The following SPON1 variants were observed in gnomAD, a reference collection of about 807,000 sequenced individuals.
SPON1 encodes the protein spondin-1.
Under a neutral mutation model 111.7 loss-of-function variants are expected in SPON1, and 52 were observed. The ratio of observed to expected loss-of-function variants is 0.47; its 90% CI spans 0.37 to 0.59. The LOEUF (loss-of-function observed/expected upper bound fraction) is 0.59, where lower values mean the gene tolerates loss of function less well. Among genes scored for constraint, SPON1 ranks in the 20% least tolerant of loss-of-function variants. The pLI is 0.00. For missense variants in SPON1, 957 were observed against 1,068.5 expected (o/e 0.90, Z 1.46); for synonymous variants, 410 against 395.8 (o/e 1.04, Z -0.43).
chr11:14,257,233 G>A (rs1452437378), intron 10 of SPON1, among the ~76,000 whole-genome samples: 1 of 152,210 alleles, frequency 6.6e-6, no homozygotes, highest in East Asian at 1.9e-4. Context: ...GCTTCATACA[G>A]TTGTCAGAAT....
chr11:14,153,403 AG>A (rs1366028563), intron 6 of SPON1, among the ~76,000 whole-genome samples: 1 of 152,196 alleles, frequency 6.6e-6, no homozygotes, highest in Non-Finnish European at 1.5e-5. Context: ...CAGAAGGTGA[AG>A]GGGAAGCCAG....
At position 14,207,855 on chromosome 11, in the gene SPON1, A is replaced by G. The variant is rs111796035; in HGVS notation, c.826-35477A>G. Among the ~76,000 whole-genome samples the G allele has an allele frequency of 5.3e-3, 803 of 152,360 alleles. 6 individuals carry two copies. The highest frequency in any genetic ancestry group is 0.018 in the African/African-American group (760 of 41,590). ...CAGCCCAGCAATCCCATTACTGGGT[A>G]TATACCCAAAAGAATATAAATCATT... On this transcript the variant is annotated intron_variant, in intron 6 of 15. Coordinates refer to ENST00000576479, the MANE Select transcript of SPON1 (RefSeq NM_006108.4).
chr11:14,082,817 C>T (rs1848974094), intron 5 of SPON1, among the ~76,000 whole-genome samples: 1 of 152,222 alleles, frequency 6.6e-6, no homozygotes, highest in South Asian at 2.1e-4. Context: ...TAACCATTCT[C>T]TATCATCATG....
chr11:14,031,849 G>A (rs1307797259), intron 2 of SPON1, among the ~76,000 whole-genome samples: 5 of 152,166 alleles, frequency 3.3e-5, no homozygotes, highest in African/African-American at 1.2e-4. Flanking sequence ...ACTAGTAAGA[G>A]GTGATTCAAT....
At chr11:14,009,414 A>T (rs1362932338) in intron 2 of SPON1, among the ~76,000 whole-genome samples, 1 of 152,254 alleles carries the variant, frequency 6.6e-6, no homozygotes, top group South Asian at 2.1e-4. Context: ...TGTTTAGAAC[A>T]TTCCCCTCTG....
intron 5 of SPON1, among the ~76,000 whole-genome samples, chr11:14,133,585 A>G (rs1194026791): frequency 6.6e-6 from 1 of 152,178 alleles, no homozygotes. Context: ...TAGAACAAGG[A>G]GTATTTTGGT....
intron 2 of SPON1, among the ~76,000 whole-genome samples, chr11:14,028,406 A>G (rs1306986427): frequency 6.6e-6 from 1 of 151,988 alleles, no homozygotes; most frequent in Non-Finnish European, 1.5e-5. Context: ...CCAGGAGTTC[A>G]AGGTTATAGT....
intron 3 of SPON1, among the ~76,000 whole-genome samples, chr11:14,062,896 T>G (rs1848802172): frequency 6.6e-6 from 1 of 152,134 alleles, no homozygotes; most frequent in Non-Finnish European, 1.5e-5. Context: ...ACTGTGAGGG[T>G]CCAGCTCCAG....
chr11:14,157,728 A>G (rs1161211205), intron 6 of SPON1, among the ~76,000 whole-genome samples: 1 of 151,880 alleles, frequency 6.6e-6, no homozygotes, highest in Non-Finnish European at 1.5e-5. Context: ...TATATTATTT[A>G]TCATTTTCCC....
At chr11:13,981,520 G>T (rs1425797016) in intron 1 of SPON1, among the ~76,000 whole-genome samples, 1 of 152,144 alleles carries the variant, frequency 6.6e-6, no homozygotes, top group Non-Finnish European at 1.5e-5. Flanking sequence ...TAGAGACGGG[G>T]TTTCACCGTG....
At chr11:14,053,380 A>T (rs1164152963) in intron 3 of SPON1, among the ~76,000 whole-genome samples, 1 of 152,182 alleles carries the variant, frequency 6.6e-6, no homozygotes, top group African/African-American at 2.4e-5. Flanking sequence ...GATATTTCAT[A>T]TAAATGGAAG....
intron 2 of SPON1, among the ~76,000 whole-genome samples, chr11:14,038,055 G>T (rs1455314835): frequency 6.6e-6 from 1 of 151,756 alleles, no homozygotes; most frequent in Non-Finnish European, 1.5e-5. Flanking sequence ...AATCCCAGCT[G>T]CTTGGGAGGC....
intron 6 of SPON1, among the ~76,000 whole-genome samples, chr11:14,234,535 A>G (rs1848840805): frequency 6.6e-6 from 1 of 152,226 alleles, no homozygotes; most frequent in Non-Finnish European, 1.5e-5. Flanking sequence ...TAAATCCAGG[A>G]TGGTACTTCA....
chr11:14,009,353 G>A (rs752372787), intron 2 of SPON1, among the ~76,000 whole-genome samples: 96 of 152,132 alleles, frequency 6.3e-4, no homozygotes, highest in Admixed American at 1.2e-3. Flanking sequence ...TTCTATGAAC[G>A]CTCCCAGTTT....
At chr11:14,161,643 T>C (rs1554931355) in intron 6 of SPON1, among the ~76,000 whole-genome samples, 1 of 151,952 alleles carries the variant, frequency 6.6e-6, no homozygotes, top group East Asian at 1.9e-4. Flanking sequence ...AACCCAAAGT[T>C]GGGCAAAATT....
intron 6 of SPON1, among the ~76,000 whole-genome samples, chr11:14,167,863 ATT>A (rs1848049058): frequency 6.6e-6 from 1 of 152,102 alleles, no homozygotes; most frequent in Non-Finnish European, 1.5e-5. Context: ...TACCCACAGA[ATT>A]TTTTCATAAA....
intron 6 of SPON1, among the ~76,000 whole-genome samples, chr11:14,180,202 T>G (rs34064988): frequency 6.6e-6 from 1 of 152,178 alleles, no homozygotes; most frequent in Non-Finnish European, 1.5e-5. Flanking sequence ...CAAACCAAGA[T>G]GAGTTAGTCA....
At chr11:14,093,397 TG>T (rs1378460502) in intron 5 of SPON1, among the ~76,000 whole-genome samples, 1 of 152,246 alleles carries the variant, frequency 6.6e-6, no homozygotes, top group Non-Finnish European at 1.5e-5. Flanking sequence ...CTTGGGTTTT[TG>T]ACAAATGCTC....
chr11:14,147,806 A>C lies in SPON1; in HGVS notation c.825+12238A>C, dbSNP rs980057879. 1.5e-5 allele frequency among the ~76,000 whole-genome samples: 2 copies of C among 136,664 alleles called. 1 individual carries two copies. The highest frequency in any genetic ancestry group is 3.2e-5 in the Non-Finnish European group (2 of 62,950). 89.7% of individuals were successfully genotyped at this position (136,664 alleles called of 152,430 possible). The stretch of plus-strand genomic sequence containing the variant: ...AACAAAGGGCTAATTTTTTTTTGAT[A>C]TATAAAGAGCTTCTTATGGTCAGTT... On this transcript the variant is annotated intron_variant, in intron 6 of 15. Transcript: ENST00000576479.
Sources: allele counts gnomAD v4.1 joint callset (sites outside exome capture counted in the v4.1 genomes callset), GRCh38; gene constraint gnomAD v4.1.1; transcripts MANE v1.5; gene names NCBI Gene and HGNC (gene_info 2026-07-23, HGNC 2026-07-21).